CCDC51: variants seen among roughly 807,000 people sequenced by gnomAD.
The protein encoded by CCDC51 is mitochondrial potassium channel.
A neutral mutation model predicts 24.8 loss-of-function variants in CCDC51; 25 were observed. The ratio of observed to expected loss-of-function variants is 1.01; its 90% CI spans 0.73 to 1.41. The LOEUF is 1.41. Among genes scored for constraint, CCDC51 ranks in the 40% most tolerant of loss-of-function variants. The pLI is 0.00. For missense variants in CCDC51, 466 were observed against 519.1 expected, an observed-to-expected ratio of 0.90 and a Z score of 0.99; for synonymous variants, 190 against 204.3, an observed-to-expected ratio of 0.93 and a Z score of 0.60.
upstream of CCDC51, among the ~76,000 whole-genome samples, chr3:48,442,672 G>A (rs1160043480): frequency 1.3e-5 from 2 of 151,630 alleles, no homozygotes; most frequent in Non-Finnish European, 2.9e-5. Context: ...GGATGGTCTC[G>A]ATCTCCTGAC....
upstream of CCDC51, chr3:48,441,004 G>T (rs981712314): frequency 1.8e-5 from 5 of 277,188 alleles, no homozygotes; most frequent in African/African-American, 2.4e-5. Flanking sequence ...ACTTGACTTA[G>T]AAGTTTTTTT....
At chr3:48,443,330 C>T (rs941597255), upstream of CCDC51, among the ~76,000 whole-genome samples, 1 of 150,746 alleles carries the variant, frequency 6.6e-6, no homozygotes, top group African/African-American at 2.4e-5. Context: ...GGCAGATCAC[C>T]TGAGGTCAGG....
upstream of CCDC51, chr3:48,440,275 TG>T (rs769956200): frequency 6.9e-6 from 11 of 1,597,138 alleles, no homozygotes; most frequent in South Asian, 2.3e-5. Flanking sequence ...TGGCAGGGTC[TG>T]GGGAAGCGGC....
intron 2 of CCDC51, 172 bp from the exon 3 acceptor site, chr3:48,434,043 A>C (rs2039275543): frequency 7.3e-7 from 1 of 1,374,386 alleles, no homozygotes; most frequent in Non-Finnish European, 9.5e-7. Context: ...CTCAAAGTGC[A>C]GCCTTGGGCC....
chr3:48,434,103 C>T lies in CCDC51; in HGVS notation c.313-232G>A, dbSNP rs186242847. On this transcript the variant is annotated intron_variant, in intron 2 of 3. Coordinates refer to ENST00000395694, the MANE Select transcript of CCDC51 (RefSeq NM_001256964.2). ...AGCCATTCAAGCAGAAATAACATGC[C>T]CCTGAAAAAACTTGAAAACAGCTAA... 3.4e-5 allele frequency: 33 copies of T among 958,608 alleles called. No individual in the cohort carries two copies. In the African/African-American group the frequency reaches 5.2e-4, roughly 15 times the overall value. 59.4% of individuals were successfully genotyped at this position (958,608 alleles called of 1,614,324 possible).
chr3:48,439,865 T>C (rs2039502475), intron 1 of CCDC51, 123 bp downstream of exon 1: 1 of 243,122 alleles, frequency 4.1e-6, no homozygotes, highest in Non-Finnish European at 8.0e-6. Flanking sequence ...CCACGTGATA[T>C]AACTCCCGTC....
At position 48,432,279 on chromosome 3, in the gene CCDC51, CCA is replaced by C; in HGVS notation, c.*127_*128del. The C allele has an allele frequency of 9.4e-7, 1 of 1,059,686 alleles. No homozygotes were observed. The highest frequency in any genetic ancestry group is 1.4e-6 in the Non-Finnish European group (1 of 737,936). 65.6% of individuals were successfully genotyped at this position (1,059,686 alleles called of 1,614,324 possible). On this transcript the variant is annotated 3_prime_UTR_variant, in exon 4 of 4. Coordinates refer to ENST00000395694, the MANE Select transcript of CCDC51 (RefSeq NM_001256964.2). ...AAAGCGAAGCATGCCTGCTGGTGAG[CCA>C]CACAGATACTGCTCCTTCAGATTGA... is the stretch of plus-strand genomic sequence containing the variant.
rs2039233169 is a variant in CCDC51 at position 48,433,021 on chromosome 3, G to C, written c.623C>G (p.Ser208Ter). Residue 208 changes from serine to a stop codon, truncating the protein, a stop_gained, in exon 4 of 4, where the codon TCA (serine) becomes TGA (stop). Coordinates refer to ENST00000395694, the MANE Select transcript of CCDC51 (RefSeq NM_001256964.2). LOFTEE classifies it high-confidence loss of function. This position sits in a 1 kb window ranked among gnomAD's most constrained non-coding sequence, Gnocchi z 4.4. Reference protein sequence around the residue: ...ERTKNWSLIGSVLGALIGVAG... With the variant: ...ERTKNWSLIG The stretch of plus-strand genomic sequence containing the variant: ...CACACCAATCAGGGCCCCCAGGACT[G>C]AGCCAATGAGGGACCAGTTCTTGGT... 2 of 1,614,220 alleles carry C rather than the reference G, an allele frequency of 1.2e-6. No individual in the cohort carries two copies. Among genetic ancestry groups the C allele is most frequent in the African/African-American group, 2.7e-5 (2 of 75,066 alleles).
Position 48,433,110 on chromosome 3 carries a change from C to T in CCDC51, c.534G>A (p.Lys178=). The T allele has an allele frequency of 1.2e-6, 2 of 1,613,942 alleles. No individual in the cohort carries two copies. The highest frequency in any genetic ancestry group is 1.7e-6 in the Non-Finnish European group (2 of 1,179,986). ...GCACAGCTGCAGAGAAGAGGGAGAA[C>T]TTCTCTCGCTCAGAGTCTTCTGCAC... is the stretch of plus-strand genomic sequence containing the variant. ...YLRAEDSERE[K]FSLFSAAVRE... Residue 178 remains lysine (K), a synonymous_variant, in exon 4 of 4, where the codon AAG becomes AAA. Transcript: ENST00000395694. This position sits in a 1 kb window ranked among gnomAD's most constrained non-coding sequence, Gnocchi z 4.4.
rs1298948400 is a variant in CCDC51, at chr3:48,437,847, C to T, written c.-9+2141G>A. 1 of 152,012 alleles carries T rather than the reference C, an allele frequency of 6.6e-6. No homozygotes were observed. Among genetic ancestry groups the T allele is most frequent in the East Asian group, 1.9e-4 (1 of 5,188 alleles). The allele number at this position is 152,012 out of a possible 1,614,324, so 9.4% of individuals were successfully genotyped here. On this transcript the variant is annotated intron_variant, in intron 1 of 3. Transcript: ENST00000395694. The surrounding 1 kb of genome is among the most constrained non-coding windows in gnomAD (Gnocchi z 4.2). Reference sequence around the variant, plus strand: ...CTCTCTTGATCCTCAGGATAAAAAACCCATGCTTCTAGGGAAAACCAACCT... The same window carrying T: ...CTCTCTTGATCCTCAGGATAAAAAATCCATGCTTCTAGGGAAAACCAACCT...
intron 1 of CCDC51, 81 bp downstream of exon 1, chr3:48,439,907 C>T (rs2039504818): frequency 3.2e-6 from 1 of 317,150 alleles, no homozygotes; most frequent in Admixed American, 4.5e-5. Flanking sequence ...TAATCTCCCT[C>T]CACCCAAGCT....
chr3:48,445,934 A>G, the CCDC51 span, among the ~76,000 whole-genome samples: 86,195 of 151,918 alleles, frequency 0.57, 24,533 homozygotes, highest in East Asian at 0.7. Flanking sequence ...GTGAAGCTTT[A>G]CCTCTGTTCG....
upstream of CCDC51, among the ~76,000 whole-genome samples, chr3:48,441,640 C>T (rs540083992): frequency 2.6e-5 from 4 of 152,276 alleles, no homozygotes; most frequent in South Asian, 6.2e-4. Flanking sequence ...AATCCTCCAC[C>T]TTTTTTACAT....
chr3:48,433,384 C>G lies in CCDC51; in HGVS notation c.478-218G>C, dbSNP rs1460957436. Among the ~76,000 whole-genome samples, 2 of 152,192 alleles carry G rather than the reference C, an allele frequency of 1.3e-5. No homozygotes were observed. Among genetic ancestry groups the G allele is most frequent in the Admixed American group, 1.3e-4 (2 of 15,266 alleles). On this transcript the variant is annotated intron_variant, in intron 3 of 3. Transcript: ENST00000395694. This position sits in a 1 kb window ranked among gnomAD's most constrained non-coding sequence, Gnocchi z 4.4. ...GCATGATCGTCCCACCTGAGCAGTT[C>G]TGGGTTTGACCAGAGGTGCACTTAT...
At chr3:48,434,518 A>G (rs1382836355) in intron 2 of CCDC51, among the ~76,000 whole-genome samples, 2 of 152,220 alleles carry the variant, frequency 1.3e-5, no homozygotes, top group African/African-American at 2.4e-5. Context: ...ACAGTACCGC[A>G]GCAAGCCCCA....
Position 48,433,104 on chromosome 3 carries a change from G to A in CCDC51, c.540C>T (p.Ser180=). The part of the protein sequence containing the change: ...RAEDSEREKF[S]LFSAAVRESH... ...TTTCCCGCACAGCTGCAGAGAAGAGGGAGAACTTCTCTCGCTCAGAGTCTT... is the reference window on the plus strand; with the variant it reads ...TTTCCCGCACAGCTGCAGAGAAGAGAGAGAACTTCTCTCGCTCAGAGTCTT... Residue 180 remains serine, a synonymous_variant, in exon 4 of 4, where the codon TCC becomes TCT. Coordinates refer to ENST00000395694, the MANE Select transcript of CCDC51 (RefSeq NM_001256964.2). This position sits in a 1 kb window ranked among gnomAD's most constrained non-coding sequence, Gnocchi z 4.4. The A allele has an allele frequency of 6.2e-7, 1 of 1,613,914 alleles. No individual in the cohort carries two copies. Among genetic ancestry groups the A allele is most frequent in the South Asian group, 1.1e-5 (1 of 91,078 alleles).
In CCDC51 at chr3:48,432,394, G is replaced by A; in HGVS notation, c.*14C>T. ...CAGCTATTGCCTCAGACCCTCTGGA[G>A]GAGGGGCCAGGGGTTAGCTGGCTTT... is the stretch of plus-strand genomic sequence containing the variant. On this transcript the variant is annotated 3_prime_UTR_variant, in exon 4 of 4. Coordinates refer to ENST00000395694, the MANE Select transcript of CCDC51 (RefSeq NM_001256964.2). 1 of 1,612,918 alleles carries A rather than the reference G, an allele frequency of 6.2e-7. No individual in the cohort carries two copies. The highest frequency in any genetic ancestry group is 2.2e-5 in the East Asian group (1 of 44,856).
At chr3:48,440,462 A>T, upstream of CCDC51, 1 of 1,612,008 alleles carries the variant, frequency 6.2e-7, no homozygotes, top group Non-Finnish European at 8.5e-7. Flanking sequence ...GGACGAGGTG[A>T]GGGCGGGCGC....
At chr3:48,440,221 C>T (rs1009108656), upstream of CCDC51, 750 of 1,524,152 alleles carry the variant, frequency 4.9e-4, 2 homozygotes, top group Non-Finnish European at 1.7e-4. Context: ...GCGGGGCCGC[C>T]TCGCTGTCTA....
Sources: gnomAD v4.1 joint callset for allele counts (sites outside exome capture counted in the v4.1 genomes callset) on GRCh38, gnomAD v4.1.1 for gene constraint, Gnocchi (gnomAD v3.1) non-coding constraint, MANE v1.5 for transcripts, NCBI Gene and HGNC (gene_info 2026-07-23, HGNC 2026-07-21) for gene names.